Variants in HMCN1 observed in about 807,000 individuals in gnomAD.
The protein encoded by HMCN1 is hemicentin 1.
A neutral mutation model predicts 625.9 loss-of-function variants in HMCN1; 321 were observed. The ratio of observed to expected loss-of-function variants is 0.51; its 90% CI spans 0.47 to 0.56. The LOEUF is 0.56. Ranked by LOEUF, HMCN1 falls within the 20% of genes least tolerant of loss-of-function variation. The pLI is 0.00. For missense variants in HMCN1, 6,588 were observed against 6,887.3 expected, an observed-to-expected ratio of 0.96 and a Z score of 1.54; for synonymous variants, 2,425 against 2,417.6, an observed-to-expected ratio of 1.00 and a Z score of -0.09.
At chr1:185,978,775 GGT>G (rs1651407905) in intron 16 of HMCN1, among the ~76,000 whole-genome samples, 1 of 152,098 alleles carries the variant, frequency 6.6e-6, no homozygotes, top group African/African-American at 2.4e-5. Flanking sequence ...CCACCTCACA[GGT>G]TCAAGCAATT....
At chr1:185,780,342 T>C (rs1012259598) in intron 1 of HMCN1, among the ~76,000 whole-genome samples, 7 of 152,164 alleles carry the variant, frequency 4.6e-5, no homozygotes, top group Admixed American at 2.6e-4. Flanking sequence ...CCTTTATGTC[T>C]TTCTCCTGCC....
intron 1 of HMCN1, among the ~76,000 whole-genome samples, chr1:185,763,353 A>G (rs1000135112): frequency 5.3e-5 from 8 of 152,212 alleles, no homozygotes; most frequent in Admixed American, 5.2e-4. Flanking sequence ...AAACAAAGGC[A>G]GATTTCAAAA....
rs938597343 is a variant in HMCN1 at position 185,888,570 on chromosome 1, T to C, written c.622-20767T>C. Reference sequence around the variant, plus strand: ...GCACCATTTATTAAAGAGGGAATCCTTTCCCCATTGCTTGTTTTTCTCAGG... The same window carrying C: ...GCACCATTTATTAAAGAGGGAATCCCTTCCCCATTGCTTGTTTTTCTCAGG... On this transcript the variant is annotated intron_variant, in intron 4 of 106. Coordinates refer to ENST00000271588, the MANE Select transcript of HMCN1 (RefSeq NM_031935.3). Among the ~76,000 whole-genome samples, 65 of 146,244 alleles carry C rather than the reference T, an allele frequency of 4.4e-4. 7 individuals carry two copies. The highest frequency in any genetic ancestry group is 1.7e-3 in the African/African-American group (60 of 35,976).
At chr1:185,861,707 G>C (rs1318234529) in intron 2 of HMCN1, among the ~76,000 whole-genome samples, 1 of 152,082 alleles carries the variant, frequency 6.6e-6, no homozygotes, top group Non-Finnish European at 1.5e-5. Flanking sequence ...CCAAATAACT[G>C]TTATGCAAAG....
chr1:186,125,775 T>C lies in HMCN1; in HGVS notation c.12671T>C (p.Leu4224Pro). Reference sequence around the variant, plus strand: ...TACACTGCTGAACCATATGGAGAACTCATTTTAGAAAATGTTGTGGTAAGT... The same window carrying C: ...TACACTGCTGAACCATATGGAGAACCCATTTTAGAAAATGTTGTGGTAAGT... ...GKYTAEPYGE[L>P]ILENVVLEDS... is the part of the protein sequence containing the mutation. Residue 4224 changes from leucine (L) to proline (P), a missense_variant, in exon 82 of 107, where the codon CTC becomes CCC. By Grantham distance (98) the Leu-to-Pro change is moderately conservative. Coordinates refer to ENST00000271588, the MANE Select transcript of HMCN1 (RefSeq NM_031935.3). The C allele has an allele frequency of 6.2e-7, 1 of 1,613,064 alleles. No individual in the cohort carries two copies. The highest frequency in any genetic ancestry group is 8.5e-7 in the Non-Finnish European group (1 of 1,179,194).
rs939202803 is a variant in HMCN1 at position 186,184,118 on chromosome 1, G to A, written c.16414+1831G>A. Among the ~76,000 whole-genome samples the A allele has an allele frequency of 3.3e-5, 5 of 152,078 alleles. No individual in the cohort carries two copies. The East Asian group carries it at 9.6e-4, about 29-fold the overall frequency. On this transcript the variant is annotated intron_variant, in intron 105 of 106. Coordinates refer to ENST00000271588, the MANE Select transcript of HMCN1 (RefSeq NM_031935.3). ...AGTTCAAAACGTTCTTCAGCTTTCA[G>A]TTGTGCTACAGAGAGTGGAAAATGA...
In HMCN1 at chr1:186,137,842, C is replaced by G; in HGVS notation, c.13794C>G (p.Cys4598Trp). 4.3e-6 allele frequency: 7 copies of G among 1,614,028 alleles called. No individual in the cohort carries two copies. The highest frequency in any genetic ancestry group is 5.9e-6 in the Non-Finnish European group (7 of 1,179,970). The change falls in exon 89 of 107, where the codon TGC becomes TGG. Residue 4598 changes from cysteine (C) to tryptophan (W), a missense_variant. Coordinates refer to ENST00000271588, the MANE Select transcript of HMCN1 (RefSeq NM_031935.3). Reference protein sequence around the residue: ...SWSEWSLWEECTRSCGRGNQT... With the variant: ...SWSEWSLWEEWTRSCGRGNQT... Reference sequence around the variant, plus strand: ...CGGAATGGAGTCTTTGGGAAGAATGCACAAGGAGCTGTGGACGCGGCAACC... The same window carrying G: ...CGGAATGGAGTCTTTGGGAAGAATGGACAAGGAGCTGTGGACGCGGCAACC...
At chr1:186,068,171 G>C (rs1411937865) in intron 50 of HMCN1, among the ~76,000 whole-genome samples, 164 bp downstream of exon 50, 1 of 152,080 alleles carries the variant, frequency 6.6e-6, no homozygotes, top group Non-Finnish European at 1.5e-5. Context: ...CCAGTCCATG[G>C]CTCAGGGATT....
chr1:186,160,580 A>G (rs1339026961), intron 97 of HMCN1, among the ~76,000 whole-genome samples: 1 of 151,890 alleles, frequency 6.6e-6, no homozygotes, highest in African/African-American at 2.4e-5. Context: ...TTCCCTCTAC[A>G]CACTGCTTTG....
At chr1:185,749,798 C>T (rs1460331492) in intron 1 of HMCN1, among the ~76,000 whole-genome samples, 1 of 152,176 alleles carries the variant, frequency 6.6e-6, no homozygotes, top group African/African-American at 2.4e-5. Flanking sequence ...GTCATTATTC[C>T]CACCTTCCCT....
rs576296969 is a variant in HMCN1 at position 186,164,799 on chromosome 1, C to T, written c.15257-312C>T. Among the ~76,000 whole-genome samples, 3 of 152,300 alleles carry T rather than the reference C, an allele frequency of 2.0e-5. No homozygotes were observed. In the East Asian group the frequency reaches 5.8e-4, roughly 29 times the overall value. On this transcript the variant is annotated intron_variant, in intron 97 of 106. Transcript: ENST00000271588. The stretch of plus-strand genomic sequence containing the variant: ...ATGGCTGGAAGAACAGGACTTTGCC[C>T]ATGGTTATGCCTGGCATATACATTT...
Position 186,087,268 on chromosome 1 carries a change from A to G in HMCN1, c.9098A>G (p.Tyr3033Cys). Residue 3033 changes from tyrosine (Y) to cysteine (C), a missense_variant, in exon 59 of 107, where the codon TAC becomes TGC. Physicochemically the swap from Tyr to Cys is radical, Grantham distance 194 (BLOSUM62 -2). Coordinates refer to ENST00000271588, the MANE Select transcript of HMCN1 (RefSeq NM_031935.3). ...GCCAAGGTATCAGATGGTGGTGAAT[A>G]CACTTGTATAGCTATCAATCAAGCT... ...IRAKVSDGGE[Y>C]TCIAINQAGE... 6.2e-7 allele frequency: 1 copy of G among 1,613,324 alleles called. No individual in the cohort carries two copies. Among genetic ancestry groups the G allele is most frequent in the Non-Finnish European group, 8.5e-7 (1 of 1,179,476 alleles).
rs535704621 is a variant in HMCN1, at chr1:185,741,579, C to T, written c.268+6532C>T. ...GAGGTCTGAGGACCTAGCCCTGGGA[C>T]TCCAATGTTTAGCAATCAGAGAGAT... On this transcript the variant is annotated intron_variant, in intron 1 of 106. Transcript: ENST00000271588. Among the ~76,000 whole-genome samples the T allele has an allele frequency of 3.3e-5, 5 of 152,258 alleles. No homozygotes were observed. In the South Asian group the frequency reaches 1.0e-3, roughly 32 times the overall value.
chr1:185,932,813 G>A (rs751400952), intron 10 of HMCN1, among the ~76,000 whole-genome samples: 7 of 152,140 alleles, frequency 4.6e-5, no homozygotes, highest in African/African-American at 4.8e-5. Context: ...AAACCTGTAC[G>A]TTCTGCACAG....
rs780118199 is a variant in HMCN1 at position 185,989,583 on chromosome 1, G to A, written c.3144G>A (p.Glu1048=). 1 of 1,613,964 alleles carries A rather than the reference G, an allele frequency of 6.2e-7. No homozygotes were observed. The highest frequency in any genetic ancestry group is 8.5e-7 in the Non-Finnish European group (1 of 1,179,924). ...VVSPGGEESG[E]YVCTATNTAG... ...CACCTGGAGGAGAGGAGAGTGGGGA[G>A]TATGTCTGCACTGCCACCAATACAG... Residue 1048 remains glutamate, a synonymous_variant, in exon 21 of 107, where the codon GAG becomes GAA. Coordinates refer to ENST00000271588, the MANE Select transcript of HMCN1 (RefSeq NM_031935.3).
At chr1:185,839,335 T>C (rs1661347770) in intron 1 of HMCN1, among the ~76,000 whole-genome samples, 1 of 152,204 alleles carries the variant, frequency 6.6e-6, no homozygotes. Context: ...CAATAAGAAT[T>C]ATTTCAGTTC....
intron 10 of HMCN1, among the ~76,000 whole-genome samples, 172 bp downstream of exon 10, chr1:185,928,839 C>T (rs72703022): frequency 0.12 from 18,041 of 152,084 alleles, 2,925 homozygotes; most frequent in African/African-American, 0.37. Context: ...ATCAGATACA[C>T]GACTCTCCTT....
chr1:186,044,426 G>A (rs1421441164), intron 40 of HMCN1, among the ~76,000 whole-genome samples: 2 of 152,064 alleles, frequency 1.3e-5, no homozygotes, highest in Admixed American at 1.3e-4. Flanking sequence ...AGTGCTCTTT[G>A]GTTCATACCC....
At chr1:186,035,387 C>T (rs1011168498) in intron 36 of HMCN1, among the ~76,000 whole-genome samples, 1 of 152,106 alleles carries the variant, frequency 6.6e-6, no homozygotes, top group Non-Finnish European at 1.5e-5. Flanking sequence ...TTTCAAAAAT[C>T]AACTTTGAGT....
Sources: gnomAD v4.1 joint callset for allele counts (sites outside exome capture counted in the v4.1 genomes callset) on GRCh38, gnomAD v4.1.1 for gene constraint, MANE v1.5 for transcripts, NCBI Gene and HGNC (gene_info 2026-07-23, HGNC 2026-07-21) for gene names.